The following CLUL1 variants were observed in gnomAD, a reference collection of about 807,000 sequenced individuals.
CLUL1 encodes clusterin like 1.
Under a neutral mutation model 49.4 loss-of-function variants are expected in CLUL1, and 43 were observed. That is an observed-to-expected ratio of 0.87 (90% CI 0.68 to 1.12). The LOEUF is 1.12. Ranked by LOEUF, CLUL1 falls within the 50% of genes most tolerant of loss-of-function variation. The pLI is 0.00. For missense variants in CLUL1, 486 were observed against 544.4 expected (o/e 0.89, Z 1.07); for synonymous variants, 192 against 184.9 (o/e 1.04, Z -0.31).
chr18:602,367 G>T (rs564553101), intron 1 of CLUL1, among the ~76,000 whole-genome samples: 2 of 152,102 alleles, frequency 1.3e-5, no homozygotes, highest in Non-Finnish European at 2.9e-5. Flanking sequence ...CTCCAGGAAG[G>T]GGGGCTGGAT....
intron 7 of CLUL1, among the ~76,000 whole-genome samples, chr18:637,225 A>G (rs986444757): frequency 6.6e-6 from 1 of 151,834 alleles, no homozygotes; most frequent in African/African-American, 2.4e-5. Flanking sequence ...TGACCTTGTG[A>G]TCCACCTGCC....
chr18:627,796 A>G (rs540376229), intron 6 of CLUL1, among the ~76,000 whole-genome samples: 1 of 152,150 alleles, frequency 6.6e-6, no homozygotes, highest in African/African-American at 2.4e-5. Flanking sequence ...ACTTGAAAAA[A>G]AAAAACCAGT....
At chr18:610,835 G>A (rs541785720) in intron 2 of CLUL1, among the ~76,000 whole-genome samples, 12 of 152,188 alleles carry the variant, frequency 7.9e-5, no homozygotes, top group South Asian at 2.1e-4. Context: ...CCAGGAGTTC[G>A]AGACCAGCCT....
intron 9 of CLUL1, among the ~76,000 whole-genome samples, chr18:646,478 G>A (rs2074510274): frequency 7.0e-6 from 1 of 142,716 alleles, no homozygotes; most frequent in Non-Finnish European, 1.5e-5. Flanking sequence ...ATCCAACAGG[G>A]GCACAAGACA....
At chr18:619,793 T>C (rs1190512067) in intron 4 of CLUL1, among the ~76,000 whole-genome samples, 1 of 152,030 alleles carries the variant, frequency 6.6e-6, no homozygotes, top group African/African-American at 2.4e-5. Flanking sequence ...CATTGCAACC[T>C]CCACCTCCTG....
At chr18:637,023 G>A (rs895912589) in intron 7 of CLUL1, among the ~76,000 whole-genome samples, 44 of 150,534 alleles carry the variant, frequency 2.9e-4, no homozygotes, top group African/African-American at 9.6e-4. Context: ...GTCTTGCTCC[G>A]TCGCCCAGGC....
intron 5 of CLUL1, among the ~76,000 whole-genome samples, chr18:626,716 C>T (rs1367049314): frequency 6.7e-6 from 1 of 149,914 alleles, no homozygotes; most frequent in Non-Finnish European, 1.5e-5. Context: ...AAAAAATTAG[C>T]CAGGCATGGC....
intron 2 of CLUL1, among the ~76,000 whole-genome samples, chr18:612,539 G>A (rs1319006131): frequency 6.6e-6 from 1 of 152,148 alleles, no homozygotes; most frequent in Non-Finnish European, 1.5e-5. Context: ...CACGGGGCCC[G>A]TATTTTCATT....
At chr18:644,842 G>A in intron 8 of CLUL1, 68 bp from the exon 9 acceptor site, 1 of 1,223,848 alleles carries the variant, frequency 8.2e-7, no homozygotes, top group Non-Finnish European at 1.2e-6. Context: ...GACTAAGGTG[G>A]TATTAAATTA....
At chr18:602,944 G>A (rs896775325) in intron 1 of CLUL1, among the ~76,000 whole-genome samples, 6 of 152,194 alleles carry the variant, frequency 3.9e-5, no homozygotes, top group African/African-American at 1.2e-4. Flanking sequence ...TCAGGGTGGG[G>A]AAGGTCTTGC....
intron 7 of CLUL1, among the ~76,000 whole-genome samples, chr18:635,315 G>A (rs1391896122): frequency 1.3e-5 from 2 of 152,094 alleles, no homozygotes; most frequent in Admixed American, 1.3e-4. Flanking sequence ...TGCATGCACA[G>A]TTCACAATAG....
At chr18:603,588 G>A (rs34789468) in intron 1 of CLUL1, among the ~76,000 whole-genome samples, 25,892 of 151,948 alleles carry the variant, frequency 0.17, 2,641 homozygotes, top group African/African-American at 0.27. Flanking sequence ...TTATAATATC[G>A]AAAACAATCA....
At chr18:646,877 G>A (rs915275894) in intron 9 of CLUL1, among the ~76,000 whole-genome samples, 2 of 151,814 alleles carry the variant, frequency 1.3e-5, no homozygotes, top group African/African-American at 4.8e-5. Flanking sequence ...AGCCTCCTGA[G>A]TAGCTGGGAT....
chr18:624,300 C>T (rs2073604798), intron 4 of CLUL1, among the ~76,000 whole-genome samples: 1 of 151,908 alleles, frequency 6.6e-6, no homozygotes, highest in African/African-American at 2.4e-5. Context: ...TATTATATTA[C>T]ATTCTAATTG....
At chr18:634,772 C>T (rs182007106) in intron 7 of CLUL1, among the ~76,000 whole-genome samples, 1 of 152,080 alleles carries the variant, frequency 6.6e-6, no homozygotes, top group East Asian at 1.9e-4. Flanking sequence ...AATCCTTTTC[C>T]CTCCCTTTCT....
intron 9 of CLUL1, 58 bp downstream of exon 9, chr18:645,155 G>A: frequency 5.3e-6 from 7 of 1,325,938 alleles, no homozygotes; most frequent in South Asian, 1.9e-5. Context: ...ATTCTCAAAA[G>A]GGAAAAACAA....
intron 4 of CLUL1, among the ~76,000 whole-genome samples, chr18:620,230 G>T (rs2073449360): frequency 6.6e-6 from 1 of 152,102 alleles, no homozygotes; most frequent in South Asian, 2.1e-4. Flanking sequence ...TAGCCGACTT[G>T]CCAGATCTGA....
chr18:632,401 A>G (rs1157767412), intron 6 of CLUL1, among the ~76,000 whole-genome samples: 1 of 152,176 alleles, frequency 6.6e-6, no homozygotes, highest in East Asian at 1.9e-4. Context: ...TAGTAATAAA[A>G]TAACCACCTA....
Position 607,018 on chromosome 18 carries a change from A to G in CLUL1, c.-95A>G. On this transcript the variant is annotated 5_prime_UTR_variant, in exon 2 of 10. An upstream start codon of the reference 5' UTR is lost. Coordinates refer to ENST00000692774, the MANE Select transcript of CLUL1 (RefSeq NM_001393344.1). ...GGTTGCCAGGCTGGAGTTCAGTGGC[A>G]TGTTCATAGCTCACTGAAGCCTCAA... The G allele has an allele frequency of 1.4e-6, 1 of 693,604 alleles. No homozygotes were observed. The highest frequency in any genetic ancestry group is 2.7e-5 in the East Asian group (1 of 37,196). The allele number at this position is 693,604 out of a possible 1,614,324, so 43.0% of individuals were successfully genotyped here. A position where few individuals can be genotyped will look rare whatever the true frequency, so the allele number is the denominator to read the frequency against.
Sources: allele counts gnomAD v4.1 joint callset (sites outside exome capture counted in the v4.1 genomes callset), GRCh38; gene constraint gnomAD v4.1.1; transcripts MANE v1.5; gene names NCBI Gene and HGNC (gene_info 2026-07-23, HGNC 2026-07-21).